Variants in ZNF662 observed in about 807,000 individuals in gnomAD.
ZNF662 encodes zinc finger protein 662.
Under a neutral mutation model 12.4 loss-of-function variants are expected in ZNF662, and 14 were observed. That is an observed-to-expected ratio of 1.13 (90% CI 0.75 to 1.77). The LOEUF (loss-of-function observed/expected upper bound fraction) is 1.77, where lower values mean the gene tolerates loss of function less well. Ranked by LOEUF, ZNF662 falls within the 40% of genes most tolerant of loss-of-function variation. ZNF662 has a pLI of 0.00. For missense variants in ZNF662, 550 were observed against 515.6 expected (o/e 1.07, Z -0.65); for synonymous variants, 184 against 176.4 (o/e 1.04, Z -0.34).
rs1366599217 is a variant in ZNF662 at position 42,908,032 on chromosome 3, C to T, written c.-83C>T. 6.2e-7 allele frequency: 1 copy of T among 1,614,140 alleles called. No individual in the cohort carries two copies. Among genetic ancestry groups the T allele is most frequent in the Non-Finnish European group, 8.5e-7 (1 of 1,180,002 alleles). On this transcript the variant is annotated 5_prime_UTR_variant, in exon 2 of 5. Transcript: ENST00000440367. ...CACATGTTGTTTCAGGAGTCAGTGA[C>T]CTTCGAGGATGTGGCCGTCTACTTC...
At position 42,914,495 on chromosome 3, in the gene ZNF662, A is replaced by G. The variant is rs201846763; in HGVS notation, c.422A>G (p.Tyr141Cys). The stretch of plus-strand genomic sequence containing the variant: ...AGCAGGTTAGGGAGATGGCCTGGTT[A>G]CCTCAATGGGGGACGTATGGAAAGT... ...EKSRLGRWPG[Y>C]LNGGRMESST... The change falls in exon 5 of 5, where the codon TAC (tyrosine) becomes TGC (cysteine). Residue 141 changes from tyrosine (Y) to cysteine (C), a missense_variant. Transcript: ENST00000440367. The G allele has an allele frequency of 3.7e-5, 59 of 1,614,102 alleles. No individual in the cohort carries two copies. The Admixed American group carries it at 6.7e-4, about 18-fold the overall frequency.
In ZNF662 at chr3:42,918,613, C is replaced by G. The variant is rs900891841; in HGVS notation, c.*3259C>G. Among the ~76,000 whole-genome samples the G allele has an allele frequency of 9.5e-5, 14 of 147,418 alleles. No homozygotes were observed. Among genetic ancestry groups the G allele is most frequent in the Non-Finnish European group, 4.5e-5 (3 of 66,846 alleles). On this transcript the variant is annotated 3_prime_UTR_variant, in exon 5 of 5. Transcript: ENST00000440367. Reference sequence around the variant, plus strand: ...CTGTCTCCTGATTCTATCATTCCCCCCTCTAAAGAAGTACATCTAACTTAG... The same window carrying G: ...CTGTCTCCTGATTCTATCATTCCCCGCTCTAAAGAAGTACATCTAACTTAG...
rs1309956267 is a variant in ZNF662 at position 42,908,831 on chromosome 3, C to T, written c.73C>T (p.Leu25=). 2 of 1,614,116 alleles carry T rather than the reference C, an allele frequency of 1.2e-6. No homozygotes were observed. The highest frequency in any genetic ancestry group is 3.3e-5 in the Admixed American group (2 of 60,024). Reference sequence around the variant, plus strand: ...TCCCAAACCGGCTCTGATTTCCCAGCTGGAGCGAGGGGAAACACCCTGGTG... The same window carrying T: ...TCCCAAACCGGCTCTGATTTCCCAGTTGGAGCGAGGGGAAACACCCTGGTG... The part of the protein sequence containing the change: ...PFPKPALISQ[L]ERGETPWCSV... Residue 25 remains leucine (L), a synonymous_variant, in exon 3 of 5, where the codon CTG becomes TTG. Transcript: ENST00000440367.
chr3:42,912,434 A>T (rs2088813289), intron 3 of ZNF662, among the ~76,000 whole-genome samples: 1 of 95,810 alleles, frequency 1.0e-5, no homozygotes, highest in Non-Finnish European at 1.8e-5. Flanking sequence ...TATATATATA[A>T]TATTTTTGTA....
chr3:42,915,167 G>A lies in ZNF662; in HGVS notation c.1094G>A (p.Cys365Tyr). ...TGDKPHECTD[C>Y]GKSFFCKAHL... ...GACAAGCCTCATGAATGTACTGACTGTGGGAAAAGCTTCTTTTGCAAGGCA... is the reference window on the plus strand; with the variant it reads ...GACAAGCCTCATGAATGTACTGACTATGGGAAAAGCTTCTTTTGCAAGGCA... Residue 365 changes from cysteine (C) to tyrosine (Y), a missense_variant, in exon 5 of 5, where the codon TGT becomes TAT. Coordinates refer to ENST00000440367, the MANE Select transcript of ZNF662 (RefSeq NM_207404.4). 1 of 1,614,140 alleles carries A rather than the reference G, an allele frequency of 6.2e-7. No homozygotes were observed. Among genetic ancestry groups the A allele is most frequent in the Non-Finnish European group, 8.5e-7 (1 of 1,180,018 alleles).
intron 1 of ZNF662, 121 bp from the exon 2 acceptor site, chr3:42,907,901 A>C: frequency 1.4e-6 from 2 of 1,444,596 alleles, no homozygotes; most frequent in Non-Finnish European, 1.8e-6. Flanking sequence ...GAGTTCCTGT[A>C]GACATTCAGA....
At chr3:42,912,364 A>C (rs1297160860) in intron 3 of ZNF662, among the ~76,000 whole-genome samples, 1 of 103,006 alleles carries the variant, frequency 9.7e-6, no homozygotes, top group Non-Finnish European at 1.7e-5. Context: ...ATTATATATT[A>C]TATATGATAT....
At chr3:42,912,667 T>TTTTTATATATATAAATATATATA (rs2088830749) in intron 3 of ZNF662, among the ~76,000 whole-genome samples, 1 of 28,608 alleles carries the variant, frequency 3.5e-5, no homozygotes, top group African/African-American at 1.1e-4. Context: ...TATATATATA[T>TTTTTATATATATAAATATATATA]TTTTTATATA....
At chr3:42,910,063 A>G (rs1206973236) in intron 3 of ZNF662, among the ~76,000 whole-genome samples, 3 of 152,178 alleles carry the variant, frequency 2.0e-5, no homozygotes, top group Non-Finnish European at 2.9e-5. Context: ...CCTGGGCAAC[A>G]TTGAGCACTG....
At chr3:42,914,276 C>A in intron 4 of ZNF662, 51 bp from the exon 5 acceptor site, 2 of 1,476,302 alleles carry the variant, frequency 1.4e-6, no homozygotes, top group South Asian at 2.7e-5. Context: ...TGACCTTAGT[C>A]GCTGTGTCAT....
chr3:42,907,522 TTCTG>T (rs1480637321), intron 1 of ZNF662: 1 of 239,736 alleles, frequency 4.2e-6, no homozygotes. Flanking sequence ...CAGGCCTGGG[TTCTG>T]TCTCAGTTCT....
chr3:42,906,213 G>A lies in ZNF662; in HGVS notation c.-94+45G>A. 1.4e-6 allele frequency: 1 copy of A among 708,738 alleles called. No individual in the cohort carries two copies. The highest frequency in any genetic ancestry group is 3.3e-5 in the Admixed American group (1 of 30,436). 43.9% of individuals were successfully genotyped at this position (708,738 alleles called of 1,614,324 possible). On this transcript the variant is annotated intron_variant, in intron 1 of 4. Transcript: ENST00000440367. This position sits in a 1 kb window ranked among gnomAD's most constrained non-coding sequence, Gnocchi z 4.4. ...GGGCGTGGGGCGGGCAGGGAGTGGA[G>A]TCGGGGTCTTACTCCGGTGGCTGCA...
rs1329976685 is a variant in ZNF662, at chr3:42,914,941, A to G, written c.868A>G (p.Ser290Gly). The G allele has an allele frequency of 8.7e-6, 14 of 1,614,008 alleles. No individual in the cohort carries two copies. Among genetic ancestry groups the G allele is most frequent in the Admixed American group, 1.7e-5 (1 of 60,016 alleles). Reference sequence around the variant, plus strand: ...TGGGAAGGGCTTTAGTCAGAACACAAGCCTTACGCAACATCAACGGATCCA... The same window carrying G: ...TGGGAAGGGCTTTAGTCAGAACACAGGCCTTACGCAACATCAACGGATCCA... ...ECGKGFSQNT[S>G]LTQHQRIHTG... Residue 290 changes from serine to glycine, a missense_variant, in exon 5 of 5, where the codon AGC becomes GGC. Physicochemically the swap from Ser to Gly is moderately conservative, Grantham distance 56. Coordinates refer to ENST00000440367, the MANE Select transcript of ZNF662 (RefSeq NM_207404.4).
chr3:42,913,171 T>G, intron 3 of ZNF662, 30 bp from the exon 4 acceptor site: 1 of 1,549,384 alleles, frequency 6.5e-7, no homozygotes, highest in Non-Finnish European at 8.9e-7. Context: ...TCTGACTGAG[T>G]CAGCCTTATT....
chr3:42,906,383 G>T lies in ZNF662; in HGVS notation c.-94+215G>T. 1 of 1,523,354 alleles carries T rather than the reference G, an allele frequency of 6.6e-7. No individual in the cohort carries two copies. The highest frequency in any genetic ancestry group is 8.8e-7 in the Non-Finnish European group (1 of 1,140,462). 94.4% of individuals were successfully genotyped at this position (1,523,354 alleles called of 1,614,324 possible). A position where few individuals can be genotyped will look rare whatever the true frequency, so the allele number is the denominator to read the frequency against. On this transcript the variant is annotated intron_variant, in intron 1 of 4. Transcript: ENST00000440367. The surrounding 1 kb of genome is among the most constrained non-coding windows in gnomAD (Gnocchi z 4.4). Reference sequence around the variant, plus strand: ...GCCGTGGCGCTGGCGAGCGGGACACGCCTCGGCCTTGTCCTCGAGCTGCTC... The same window carrying T: ...GCCGTGGCGCTGGCGAGCGGGACACTCCTCGGCCTTGTCCTCGAGCTGCTC...
In ZNF662 at chr3:42,918,935, T is replaced by A. The variant is rs2088922460; in HGVS notation, c.*3581T>A. ...ACACCCAGATAACTGGTAGCTATAG[T>A]TATGCCTGCTAAGATTGGGGTGTTT... On this transcript the variant is annotated 3_prime_UTR_variant, in exon 5 of 5. Coordinates refer to ENST00000440367, the MANE Select transcript of ZNF662 (RefSeq NM_207404.4). 3.3e-5 allele frequency among the ~76,000 whole-genome samples: 5 copies of A among 152,190 alleles called. No individual in the cohort carries two copies. The South Asian group carries it at 1.0e-3, about 32-fold the overall frequency.
rs2088888795 is a variant in ZNF662, at chr3:42,915,499, C to G, written c.*145C>G. The G allele has an allele frequency of 5.7e-6, 4 of 696,054 alleles. No homozygotes were observed. In the Admixed American group the frequency reaches 1.3e-4, roughly 22 times the overall value. The allele number at this position is 696,054 out of a possible 1,614,324, so 43.1% of individuals were successfully genotyped here. A position where few individuals can be genotyped will look rare whatever the true frequency, so the allele number is the denominator to read the frequency against. On this transcript the variant is annotated 3_prime_UTR_variant, in exon 5 of 5. Coordinates refer to ENST00000440367, the MANE Select transcript of ZNF662 (RefSeq NM_207404.4). ...CCCTTTTGAACATTTACCATGTACT[C>G]TAGCAAGACTGGTCCCTCTGTTCTA...
Position 42,908,634 on chromosome 3 carries a change from C to T in ZNF662, c.35-159C>T, listed in dbSNP as rs530837457. ...TTCCTGACCTTTGTAAGTCTCCTGG[C>T]CCCTCTCTTGTCCTTTCCCCTGGAA... On this transcript the variant is annotated intron_variant, in intron 2 of 4. Transcript: ENST00000440367. The T allele has an allele frequency of 3.0e-4, 436 of 1,464,484 alleles. 2 individuals carry two copies. In the African/African-American group the frequency reaches 5.4e-3, roughly 18 times the overall value. The allele number at this position is 1,464,484 out of a possible 1,614,324, so 90.7% of individuals were successfully genotyped here.
Position 42,915,154 on chromosome 3 carries a change from G to T in ZNF662, c.1081G>T (p.Glu361Ter), listed in dbSNP as rs370373461. Residue 361 changes from glutamate (E) to a stop codon, truncating the protein, a stop_gained, in exon 5 of 5, where the codon GAA (glutamate) becomes TAA (stop). Transcript: ENST00000440367. LOFTEE classifies it low-confidence loss of function (END_TRUNC). ...QRVHTGDKPHECTDCGKSFFC... is the reference protein window; with the variant it reads ...QRVHTGDKPH ...GGTCCACACTGGGGACAAGCCTCATGAATGTACTGACTGTGGGAAAAGCTT... is the reference window on the plus strand; with the variant it reads ...GGTCCACACTGGGGACAAGCCTCATTAATGTACTGACTGTGGGAAAAGCTT... 6.2e-7 allele frequency: 1 copy of T among 1,614,106 alleles called. No homozygotes were observed. The highest frequency in any genetic ancestry group is 8.5e-7 in the Non-Finnish European group (1 of 1,180,028).
Sources: gnomAD v4.1 joint callset for allele counts (sites outside exome capture counted in the v4.1 genomes callset) on GRCh38, gnomAD v4.1.1 for gene constraint, Gnocchi (gnomAD v3.1) non-coding constraint, MANE v1.5 for transcripts, NCBI Gene and HGNC (gene_info 2026-07-23, HGNC 2026-07-21) for gene names.